The following PPTC7 variants were observed in gnomAD, a reference collection of about 807,000 sequenced individuals.
PPTC7 encodes the protein protein phosphatase targeting COQ7.
In PPTC7, 6 loss-of-function variants were observed where a neutral mutation model predicts 30.8. That is an observed-to-expected ratio of 0.19 (90% confidence interval 0.11 to 0.38). The LOEUF (loss-of-function observed/expected upper bound fraction) is 0.38. Ranked by LOEUF, PPTC7 falls within the 10% of genes least tolerant of loss-of-function variation. The probability of loss-of-function intolerance (pLI) is 1.00; values close to 1 mark genes in which losing one functional copy is unlikely to be tolerated. For missense variants in PPTC7, 218 were observed against 404.8 expected (o/e 0.54, Z 3.96); for synonymous variants, 163 against 168.1 (o/e 0.97, Z 0.23).
intron 5 of PPTC7, 37 bp downstream of exon 5, chr12:110,538,107 C>G (rs1354755236): frequency 1.2e-6 from 2 of 1,605,858 alleles, no homozygotes; most frequent in African/African-American, 2.7e-5. Context: ...CACCATGTCC[C>G]CAGTCAGTCC....
chr12:110,560,133 C>T (rs1039633781), intron 1 of PPTC7, among the ~76,000 whole-genome samples: 2 of 152,076 alleles, frequency 1.3e-5, no homozygotes, highest in Admixed American at 6.6e-5. Flanking sequence ...GGCGTGGTAG[C>T]TCATACCTGT....
chr12:110,571,585 C>A (rs962735343), intron 1 of PPTC7, among the ~76,000 whole-genome samples: 1 of 152,164 alleles, frequency 6.6e-6, no homozygotes, highest in South Asian at 2.1e-4. Context: ...TATAAATACT[C>A]ATGTATAGAA....
chr12:110,550,442 C>T (rs759902744), intron 2 of PPTC7, among the ~76,000 whole-genome samples: 4 of 151,736 alleles, frequency 2.6e-5, no homozygotes, highest in South Asian at 2.1e-4. Context: ...GTGTTAGCCA[C>T]GATGGTCTCA....
intron 3 of PPTC7, among the ~76,000 whole-genome samples, chr12:110,542,124 T>C (rs1419933556): frequency 6.6e-6 from 1 of 150,436 alleles, no homozygotes; most frequent in Non-Finnish European, 1.5e-5. Flanking sequence ...CACTCTAGCC[T>C]GGGCAACAGA....
At chr12:110,581,175 G>C (rs1306331788) in intron 1 of PPTC7, among the ~76,000 whole-genome samples, 1 of 152,122 alleles carries the variant, frequency 6.6e-6, no homozygotes, top group African/African-American at 2.4e-5. Context: ...TTGGGCGGCC[G>C]AGGCGAACAC....
intron 1 of PPTC7, among the ~76,000 whole-genome samples, chr12:110,559,892 C>T (rs2064424376): frequency 1.3e-5 from 2 of 151,954 alleles, no homozygotes. Context: ...GCCACCATAC[C>T]CAGCTATTTA....
At position 110,533,678 on chromosome 12, in the gene PPTC7, T is replaced by TA. The variant is rs1274715912; in HGVS notation, c.*3358dup. On this transcript the variant is annotated 3_prime_UTR_variant, in exon 6 of 6. Coordinates refer to ENST00000354300, the MANE Select transcript of PPTC7 (RefSeq NM_139283.2). ...TGAATGCTGTAGCTTCTACCAAAGA[T>TA]AGCTGGTATTAAGGTGACCTAAAGA... 2 of 152,244 alleles carry TA rather than the reference T, an allele frequency of 1.3e-5. No individual in the cohort carries two copies. Among genetic ancestry groups the TA allele is most frequent in the Non-Finnish European group, 2.9e-5 (2 of 68,040 alleles). The allele number at this position is 152,244 out of a possible 1,614,324, so 9.4% of individuals were successfully genotyped here.
At chr12:110,544,663 G>A (rs1201668549) in intron 3 of PPTC7, among the ~76,000 whole-genome samples, 1 of 152,122 alleles carries the variant, frequency 6.6e-6, no homozygotes, top group African/African-American at 2.4e-5. Flanking sequence ...GTGAAACCCT[G>A]TCTCTACTAA....
chr12:110,582,733 C>A lies in PPTC7; in HGVS notation c.223+76G>T, dbSNP rs2064648984. ...TGGCTCCTTTCGCCGCCGGGAGGAA[C>A]TGGGGAAGCCCCGCGCGGGGAGTCC... On this transcript the variant is annotated intron_variant, in intron 1 of 5. Transcript: ENST00000354300. 4 of 1,274,922 alleles carry A rather than the reference C, an allele frequency of 3.1e-6. No individual in the cohort carries two copies. In the South Asian group the frequency reaches 4.2e-5, roughly 14 times the overall value. The allele number at this position is 1,274,922 out of a possible 1,614,324, so 79.0% of individuals were successfully genotyped here.
At chr12:110,544,129 AC>A (rs2064286553) in intron 3 of PPTC7, among the ~76,000 whole-genome samples, 1 of 152,188 alleles carries the variant, frequency 6.6e-6, no homozygotes, top group Non-Finnish European at 1.5e-5. Context: ...TCACCCGCCT[AC>A]TTTTACTTTT....
At position 110,551,874 on chromosome 12, in the gene PPTC7, T is replaced by C. The variant is rs543154098; in HGVS notation, c.318A>G (p.Lys106=). 6.2e-7 allele frequency: 1 copy of C among 1,614,188 alleles called. No homozygotes were observed. The highest frequency in any genetic ancestry group is 2.2e-5 in the East Asian group (1 of 44,890). ...TLMRTCERLV[K]EGRFVPSNPI... ...GATTACTAGGTACGAACCGTCCTTC[T>C]TTTACTAAACGTTCACACGTCCGCA... Residue 106 remains lysine, a synonymous_variant, in exon 2 of 6, where the codon AAA becomes AAG. Coordinates refer to ENST00000354300, the MANE Select transcript of PPTC7 (RefSeq NM_139283.2).
chr12:110,582,736 G>A, intron 1 of PPTC7, 73 bp downstream of exon 1: 1 of 1,295,694 alleles, frequency 7.7e-7, no homozygotes, highest in East Asian at 2.7e-5. Context: ...GGAGGAACTG[G>A]GGAAGCCCCG....
intron 2 of PPTC7, among the ~76,000 whole-genome samples, chr12:110,548,877 C>A (rs1472891142): frequency 6.6e-6 from 1 of 152,158 alleles, no homozygotes; most frequent in East Asian, 1.9e-4. Flanking sequence ...TCCTCTTTTG[C>A]CTCCTCAAAT....
chr12:110,539,795 C>T (rs1009242789), intron 4 of PPTC7, 27 bp downstream of exon 4: 1 of 1,608,042 alleles, frequency 6.2e-7, no homozygotes. Context: ...GCCACTTTTC[C>T]CAAGAGCTAA....
intron 1 of PPTC7, among the ~76,000 whole-genome samples, chr12:110,559,469 T>A (rs1280272436): frequency 6.6e-6 from 1 of 151,718 alleles, no homozygotes; most frequent in Admixed American, 6.6e-5. Context: ...TTCACGCCTG[T>A]AATCCCAGCA....
rs540176100 is a variant in PPTC7 at position 110,583,282 on chromosome 12, GGCC to G, written c.-254_-252del. 135 of 155,756 alleles carry G rather than the reference GGCC, an allele frequency of 8.7e-4. 1 individual carries two copies. The highest frequency in any genetic ancestry group is 2.5e-3 in the African/African-American group (100 of 39,380). 9.6% of individuals were successfully genotyped at this position (155,756 alleles called of 1,614,324 possible). On this transcript the variant is annotated 5_prime_UTR_variant, in exon 1 of 6. Coordinates refer to ENST00000354300, the MANE Select transcript of PPTC7 (RefSeq NM_139283.2). ...GCCCAACTGAAGTCCCGGCTGCAGCGGCCGCCGCCGCCGCCGCCATCTTCCGCT... is the reference window on the plus strand; with the variant it reads ...GCCCAACTGAAGTCCCGGCTGCAGCGGCCGCCGCCGCCGCCATCTTCCGCT...
chr12:110,573,981 C>CTAAATAAA (rs542793137), intron 1 of PPTC7, among the ~76,000 whole-genome samples: 46 of 149,966 alleles, frequency 3.1e-4, no homozygotes, highest in African/African-American at 9.8e-4. Context: ...AACTCTGTCT[C>CTAAATAAA]TAAATAAATA....
At chr12:110,538,408 C>T in intron 4 of PPTC7, 135 bp from the exon 5 acceptor site, 2 of 795,206 alleles carry the variant, frequency 2.5e-6, no homozygotes, top group Non-Finnish European at 4.0e-6. Flanking sequence ...CTAATATGAA[C>T]AAGACTCCAG....
rs566758661 is a variant in PPTC7, at chr12:110,533,416, C to T, written c.*3621G>A. 6.6e-6 allele frequency: 1 copy of T among 152,230 alleles called. No homozygotes were observed. Among genetic ancestry groups the T allele is most frequent in the Non-Finnish European group, 1.5e-5 (1 of 68,012 alleles). The allele number at this position is 152,230 out of a possible 1,614,324, so 9.4% of individuals were successfully genotyped here. On this transcript the variant is annotated 3_prime_UTR_variant, in exon 6 of 6. Coordinates refer to ENST00000354300, the MANE Select transcript of PPTC7 (RefSeq NM_139283.2). ...AAAAAAAGCAGCTCATTAGTATACA[C>T]ACAGATTCTAATTTGCTTCATTATT...
Sources: gnomAD v4.1 joint callset for allele counts (sites outside exome capture counted in the v4.1 genomes callset) on GRCh38, gnomAD v4.1.1 for gene constraint, MANE v1.5 for transcripts, NCBI Gene and HGNC (gene_info 2026-07-23, HGNC 2026-07-21) for gene names.